MAST4: variants seen among roughly 807,000 people sequenced by gnomAD.
MAST4 encodes microtubule associated serine/threonine kinase family member 4.
MAST4 carries 89 observed loss-of-function variants against 162.7 expected under a neutral mutation model. The observed-to-expected ratio is 0.55, with a 90% CI of 0.46 to 0.65. The LOEUF (loss-of-function observed/expected upper bound fraction) is 0.65. Ranked by LOEUF, MAST4 falls within the 30% of genes least tolerant of loss-of-function variation. MAST4 has a pLI of 0.00. For synonymous variants in MAST4, 1,479 were observed against 1,361.1 expected, an observed-to-expected ratio of 1.09 and a Z score of -1.91; for missense variants, 3,153 against 3,374.0, an observed-to-expected ratio of 0.93 and a Z score of 1.62.
chr5:67,059,140 G>A (rs1201293773), intron 5 of MAST4, among the ~76,000 whole-genome samples: 3 of 152,124 alleles, frequency 2.0e-5, no homozygotes, highest in Non-Finnish European at 4.4e-5. Flanking sequence ...TGAGTTCCCC[G>A]CTTCACCCTG....
intron 3 of MAST4, among the ~76,000 whole-genome samples, chr5:66,863,033 T>C (rs554920228): frequency 2.0e-4 from 30 of 152,248 alleles, no homozygotes; most frequent in African/African-American, 7.2e-4. Context: ...TATAACAGGG[T>C]TGGGAAGTAA....
chr5:66,966,599 G>A (rs1389191987), intron 4 of MAST4, among the ~76,000 whole-genome samples: 1 of 152,046 alleles, frequency 6.6e-6, no homozygotes, highest in Non-Finnish European at 1.5e-5. Context: ...GAGCATGGAG[G>A]GTGGTGCACT....
intron 3 of MAST4, among the ~76,000 whole-genome samples, chr5:66,851,944 T>C (rs916058634): frequency 1.3e-5 from 2 of 152,208 alleles, no homozygotes; most frequent in African/African-American, 2.4e-5. Flanking sequence ...GGCGAGGTTA[T>C]CTGACATTAG....
chr5:67,108,870 T>C (rs2150894925), intron 10 of MAST4, among the ~76,000 whole-genome samples: 1 of 152,272 alleles, frequency 6.6e-6, no homozygotes, highest in African/African-American at 2.4e-5. Flanking sequence ...TAAATGTTTA[T>C]TACTGTGTTT....
intron 14 of MAST4, among the ~76,000 whole-genome samples, chr5:67,125,211 A>AAT (rs756981354): frequency 3.0e-4 from 46 of 152,142 alleles, no homozygotes; most frequent in Non-Finnish European, 5.9e-4. Context: ...TTCATTTTAA[A>AAT]ATATATATTT....
intron 4 of MAST4, among the ~76,000 whole-genome samples, chr5:66,975,817 A>T (rs1429060003): frequency 6.6e-6 from 1 of 152,104 alleles, no homozygotes; most frequent in Admixed American, 6.5e-5. Context: ...AATATGGTGA[A>T]ACCCCCTTCT....
rs1164689329 is a variant in MAST4, at chr5:67,095,672, C to A, written c.909C>A (p.Val303=). ...GYGTNTPSST[V]SSSCSSQEKL... is the part of the protein sequence containing the mutation. ...GGACAAACACACCCAGCTCTACGGTCTCTGTAAGTGCCTGACTTTTTTTTT... is the reference window on the plus strand; with the variant it reads ...GGACAAACACACCCAGCTCTACGGTATCTGTAAGTGCCTGACTTTTTTTTT... Residue 303 remains valine, a synonymous_variant, in exon 7 of 29, where the codon GTC becomes GTA. Coordinates refer to ENST00000403625, the MANE Select transcript of MAST4 (RefSeq NM_001164664.2). 1 of 1,588,796 alleles carries A rather than the reference C, an allele frequency of 6.3e-7. No homozygotes were observed. Among genetic ancestry groups the A allele is most frequent in the Non-Finnish European group, 8.6e-7 (1 of 1,168,090 alleles).
At chr5:66,652,303 A>G (rs1330977798) in intron 1 of MAST4, among the ~76,000 whole-genome samples, 1 of 152,214 alleles carries the variant, frequency 6.6e-6, no homozygotes, top group Non-Finnish European at 1.5e-5. Flanking sequence ...TGTAAGCTGC[A>G]TGAAGGAGAT....
chr5:66,734,032 C>T (rs1399353435), intron 1 of MAST4, among the ~76,000 whole-genome samples: 1 of 152,176 alleles, frequency 6.6e-6, no homozygotes, highest in Non-Finnish European at 1.5e-5. Flanking sequence ...GTACATATCC[C>T]TGTTTTCTAA....
chr5:66,712,233 T>C (rs1388988750), intron 1 of MAST4, among the ~76,000 whole-genome samples: 1 of 152,226 alleles, frequency 6.6e-6, no homozygotes, highest in Non-Finnish European at 1.5e-5. Context: ...AGTCACATGG[T>C]AAATGTAAGT....
chr5:66,622,122 G>C (rs1744114626), intron 1 of MAST4, among the ~76,000 whole-genome samples: 2 of 152,158 alleles, frequency 1.3e-5, no homozygotes, highest in South Asian at 4.1e-4. Flanking sequence ...GGAGTGCTGG[G>C]GTGTGGGGTG....
At chr5:67,050,457 T>C (rs978090545) in intron 4 of MAST4, among the ~76,000 whole-genome samples, 4 of 152,174 alleles carry the variant, frequency 2.6e-5, no homozygotes, top group Non-Finnish European at 5.9e-5. Flanking sequence ...CAGCCAGTCC[T>C]CCCTCAAGGT....
At chr5:67,048,462 TTTTG>T (rs1561575162) in intron 4 of MAST4, among the ~76,000 whole-genome samples, 1 of 152,144 alleles carries the variant, frequency 6.6e-6, no homozygotes, top group South Asian at 2.1e-4. Context: ...GTATCAAATA[TTTTG>T]TTTAACATAT....
At chr5:66,765,221 C>G (rs1754039863) in intron 2 of MAST4, among the ~76,000 whole-genome samples, 1 of 152,168 alleles carries the variant, frequency 6.6e-6, no homozygotes, top group Non-Finnish European at 1.5e-5. Context: ...AAGCATTTCT[C>G]AGAATGTATA....
intron 4 of MAST4, among the ~76,000 whole-genome samples, chr5:66,924,973 CG>C (rs1386207121): frequency 1.3e-5 from 2 of 152,060 alleles, no homozygotes; most frequent in South Asian, 2.1e-4. Context: ...AAGCATGGAT[CG>C]TTTTTTCTGA....
At chr5:66,690,871 T>C (rs1165085459) in intron 1 of MAST4, among the ~76,000 whole-genome samples, 1 of 152,210 alleles carries the variant, frequency 6.6e-6, no homozygotes, top group Admixed American at 6.5e-5. Context: ...GGGTGGCTAC[T>C]CTTTCTCCAG....
chr5:67,113,186 C>T (rs752618161), intron 11 of MAST4, among the ~76,000 whole-genome samples: 181 of 151,810 alleles, frequency 1.2e-3, no homozygotes, highest in South Asian at 2.1e-3. Flanking sequence ...TGGTGGTGGG[C>T]GCCTGTAGTC....
Position 66,766,518 on chromosome 5 carries a change from G to GTT in MAST4, c.517+6665_517+6666dup, listed in dbSNP as rs143199163. On this transcript the variant is annotated intron_variant, in intron 2 of 28. Coordinates refer to ENST00000403625, the MANE Select transcript of MAST4 (RefSeq NM_001164664.2). The stretch of plus-strand genomic sequence containing the variant: ...AATTTTTAAAACGGCATTTTTTAGT[G>GTT]TTTTTTTTTTACTTAGAGAAAGGAA... Among the ~76,000 whole-genome samples the GTT allele has an allele frequency of 5.0e-3, 738 of 147,390 alleles. 6 individuals carry two copies. The highest frequency in any genetic ancestry group is 0.018 in the African/African-American group (714 of 40,220).
intron 3 of MAST4, among the ~76,000 whole-genome samples, chr5:66,812,951 T>A (rs558937319): frequency 1.3e-5 from 2 of 152,184 alleles, no homozygotes; most frequent in Admixed American, 1.3e-4. Flanking sequence ...TCACTGGGGC[T>A]CAGTTTGCGC....
Sources: allele counts gnomAD v4.1 joint callset (sites outside exome capture counted in the v4.1 genomes callset), GRCh38; gene constraint gnomAD v4.1.1; transcripts MANE v1.5; gene names NCBI Gene and HGNC (gene_info 2026-07-23, HGNC 2026-07-21).